IQGAP1: variants seen among roughly 807,000 people sequenced by gnomAD.
IQGAP1 encodes ras GTPase-activating-like protein IQGAP1.
IQGAP1 carries 66 observed loss-of-function variants against 215.6 expected under a neutral mutation model. The observed-to-expected ratio is 0.31, with a 90% CI of 0.25 to 0.38. IQGAP1 has a LOEUF of 0.38. Among genes scored for constraint, IQGAP1 ranks in the 10% least tolerant of loss-of-function variants. The pLI is 1.00. For missense variants in IQGAP1, 1,712 were observed against 1,997.1 expected, an observed-to-expected ratio of 0.86 and a Z score of 2.72; for synonymous variants, 772 against 728.7, an observed-to-expected ratio of 1.06 and a Z score of -0.96.
chr15:90,465,769 T>C (rs1355098534), intron 15 of IQGAP1, among the ~76,000 whole-genome samples: 1 of 152,066 alleles, frequency 6.6e-6, no homozygotes, highest in Non-Finnish European at 1.5e-5. Flanking sequence ...GGCTCAAGCA[T>C]TCCTTCTGCC....
At chr15:90,455,481 A>G (rs1027951297) in intron 14 of IQGAP1, among the ~76,000 whole-genome samples, 2 of 152,140 alleles carry the variant, frequency 1.3e-5, no homozygotes, top group Middle Eastern at 3.2e-3. Context: ...AGGATATCCC[A>G]AGGGTCTTAG....
chr15:90,483,678 T>TAA, intron 29 of IQGAP1, 85 bp downstream of exon 29: 1 of 960,420 alleles, frequency 1.0e-6, no homozygotes, highest in Non-Finnish European at 1.6e-6. Flanking sequence ...AAACCACCTC[T>TAA]CACTTTCCCC....
In IQGAP1 at chr15:90,456,143, T is replaced by C; in HGVS notation, c.1613-9T>C. 6.2e-7 allele frequency: 1 copy of C among 1,609,820 alleles called. No individual in the cohort carries two copies. The highest frequency in any genetic ancestry group is 8.5e-7 in the Non-Finnish European group (1 of 1,178,556). ...AGAAAAAAAAAACTTTCTGTCTCTT[T>C]ATATTTAGGGATTTTAGCCATTGGT... On this transcript the variant is annotated splice_polypyrimidine_tract_variant and intron_variant, in intron 14 of 37. Coordinates refer to ENST00000268182, the MANE Select transcript of IQGAP1 (RefSeq NM_003870.4).
intron 8 of IQGAP1, among the ~76,000 whole-genome samples, chr15:90,442,460 A>G (rs1335608440): frequency 6.6e-6 from 1 of 152,118 alleles, no homozygotes; most frequent in East Asian, 1.9e-4. Context: ...GGAAAAAAAA[A>G]ACTTCACACA....
At chr15:90,489,202 C>T (rs1966170611) in intron 33 of IQGAP1, among the ~76,000 whole-genome samples, 1 of 151,018 alleles carries the variant, frequency 6.6e-6, no homozygotes, top group South Asian at 2.1e-4. Context: ...GATCTTGGCT[C>T]ACTGCAACCT....
At chr15:90,486,439 A>AT (rs911096800) in intron 31 of IQGAP1, 5 of 234,044 alleles carry the variant, frequency 2.1e-5, no homozygotes, top group African/African-American at 1.2e-4. Context: ...AAAGGAAAGA[A>AT]TTTTTTTGTT....
chr15:90,466,616 G>A (rs564736927), intron 17 of IQGAP1, among the ~76,000 whole-genome samples, 180 bp downstream of exon 17: 1 of 142,550 alleles, frequency 7.0e-6, no homozygotes. Flanking sequence ...CCCCCCCCTT[G>A]TGGACAGCTG....
In IQGAP1 at chr15:90,456,270, G is replaced by A. The variant is rs1323871054; in HGVS notation, c.1731G>A (p.Gln577=). Residue 577 remains glutamine, a synonymous_variant, in exon 15 of 38, where the codon CAG becomes CAA. Transcript: ENST00000268182. The part of the protein sequence containing the change: ...KLEGVLAEVA[Q]HYQDTLIRAK... ...AGGGAGTCCTTGCAGAAGTGGCCCA[G>A]CATTACCAAGACACGCTGATTAGAG... 7 of 1,613,942 alleles carry A rather than the reference G, an allele frequency of 4.3e-6. No homozygotes were observed. The highest frequency in any genetic ancestry group is 5.1e-6 in the Non-Finnish European group (6 of 1,179,990).
chr15:90,420,301 G>A (rs1021910635), intron 2 of IQGAP1, among the ~76,000 whole-genome samples: 2 of 151,976 alleles, frequency 1.3e-5, no homozygotes, highest in African/African-American at 2.4e-5. Flanking sequence ...TGTCTTTCTC[G>A]GTAAGTGCGA....
At chr15:90,498,771 C>T (rs1966304762) in intron 37 of IQGAP1, among the ~76,000 whole-genome samples, 1 of 151,780 alleles carries the variant, frequency 6.6e-6, no homozygotes, top group Admixed American at 6.6e-5. Flanking sequence ...CCTCAGCCTC[C>T]TGAGTGGCTG....
intron 31 of IQGAP1, chr15:90,486,641 C>T: frequency 3.8e-6 from 1 of 263,448 alleles, no homozygotes; most frequent in Non-Finnish European, 7.3e-6. Flanking sequence ...CCATCCTCCT[C>T]CTTTAGCCTT....
chr15:90,445,026 G>A (rs1965507508), intron 9 of IQGAP1, among the ~76,000 whole-genome samples: 2 of 152,162 alleles, frequency 1.3e-5, no homozygotes, highest in Non-Finnish European at 2.9e-5. Flanking sequence ...GGGGGCTGAA[G>A]CAGGAGGATT....
intron 23 of IQGAP1, 178 bp downstream of exon 23, chr15:90,474,871 G>A: frequency 1.7e-6 from 1 of 582,904 alleles, no homozygotes; most frequent in Non-Finnish European, 3.0e-6. Flanking sequence ...GTAGTGCGAT[G>A]TGATCTCAGC....
intron 33 of IQGAP1, among the ~76,000 whole-genome samples, chr15:90,489,369 C>T (rs1201558169): frequency 6.6e-6 from 1 of 152,046 alleles, no homozygotes; most frequent in African/African-American, 2.4e-5. Flanking sequence ...CTCAAATGAC[C>T]CACCCACTGT....
At chr15:90,489,280 A>G (rs1966171647) in intron 33 of IQGAP1, among the ~76,000 whole-genome samples, 2 of 151,888 alleles carry the variant, frequency 1.3e-5, no homozygotes, top group African/African-American at 4.8e-5. Flanking sequence ...GGTGTGAACC[A>G]CCACACCTGG....
At chr15:90,457,321 T>C (rs1965698503) in intron 15 of IQGAP1, among the ~76,000 whole-genome samples, 1 of 152,168 alleles carries the variant, frequency 6.6e-6, no homozygotes, top group African/African-American at 2.4e-5. Flanking sequence ...CATGGAGCCA[T>C]CCTTTGCTCA....
intron 36 of IQGAP1, chr15:90,496,701 C>T (rs909246002): frequency 2.6e-5 from 4 of 152,054 alleles, no homozygotes; most frequent in Admixed American, 2.6e-4. Flanking sequence ...TAAATACGTT[C>T]AATAATAACA....
chr15:90,409,896 C>T (rs1338975331), intron 2 of IQGAP1, among the ~76,000 whole-genome samples: 1 of 152,130 alleles, frequency 6.6e-6, no homozygotes, highest in Non-Finnish European at 1.5e-5. Flanking sequence ...TCTCTGATGA[C>T]CAGTGATGAT....
intron 26 of IQGAP1, among the ~76,000 whole-genome samples, chr15:90,481,246 G>A (rs921251073): frequency 2.1e-5 from 3 of 144,314 alleles, no homozygotes; most frequent in Non-Finnish European, 4.5e-5. Flanking sequence ...CCCCTTCTGT[G>A]TGTACCAAAG....
Sources: gnomAD v4.1 joint callset for allele counts (sites outside exome capture counted in the v4.1 genomes callset) on GRCh38, gnomAD v4.1.1 for gene constraint, MANE v1.5 for transcripts, NCBI Gene and HGNC (gene_info 2026-07-23, HGNC 2026-07-21) for gene names.